Variants in ATG10 observed in about 807,000 individuals in gnomAD.
The protein encoded by ATG10 is ubiquitin-like-conjugating enzyme ATG10.
In ATG10, 30 loss-of-function variants were observed where a neutral mutation model predicts 32.1. That is an observed-to-expected ratio of 0.94 (90% CI 0.70 to 1.27). ATG10 has a LOEUF of 1.27. Among genes scored for constraint, ATG10 ranks in the 50% most tolerant of loss-of-function variants. ATG10 has a pLI of 0.00. For missense variants in ATG10, 233 were observed against 262.3 expected (o/e 0.89, Z 0.77); for synonymous variants, 87 against 91.5 (o/e 0.95, Z 0.28).
intron 5 of ATG10, among the ~76,000 whole-genome samples, chr5:82,190,850 A>AT (rs1452320314): frequency 6.6e-6 from 1 of 151,096 alleles, no homozygotes; most frequent in Non-Finnish European, 1.5e-5. Context: ...GTTTTAACCA[A>AT]TTTTATGTTG....
chr5:82,008,820 T>C (rs1045201839), intron 2 of ATG10, among the ~76,000 whole-genome samples: 1 of 152,248 alleles, frequency 6.6e-6, no homozygotes, highest in Non-Finnish European at 1.5e-5. Flanking sequence ...TGTCTATATC[T>C]AATCTGACTT....
intron 3 of ATG10, among the ~76,000 whole-genome samples, chr5:82,084,646 C>T (rs112134952): frequency 0.082 from 12,469 of 152,180 alleles, 765 homozygotes; most frequent in African/African-American, 0.18. Flanking sequence ...GGCAGAAACT[C>T]TACAAGCCAG....
intron 3 of ATG10, among the ~76,000 whole-genome samples, chr5:82,109,877 A>C (rs1561302884): frequency 6.6e-6 from 1 of 151,806 alleles, no homozygotes; most frequent in Non-Finnish European, 1.5e-5. Flanking sequence ...ATATGTATAC[A>C]TGTGCCATGT....
intron 2 of ATG10, chr5:81,992,393 T>C (rs1761490539): frequency 6.6e-6 from 1 of 151,770 alleles, no homozygotes; most frequent in Non-Finnish European, 1.5e-5. Flanking sequence ...TATTTATTTA[T>C]TTTTAAAATT....
intron 3 of ATG10, among the ~76,000 whole-genome samples, chr5:82,139,683 C>T (rs1204673035): frequency 1.1e-4 from 16 of 146,736 alleles, no homozygotes; most frequent in East Asian, 6.3e-4. Flanking sequence ...CGTCTCCGCC[C>T]GGCAGCCACC....
At chr5:82,082,551 T>G (rs1366702774) in intron 3 of ATG10, among the ~76,000 whole-genome samples, 1 of 152,214 alleles carries the variant, frequency 6.6e-6, no homozygotes, top group Non-Finnish European at 1.5e-5. Flanking sequence ...TTCTAAATCC[T>G]TCTTATATTT....
At chr5:81,993,360 C>CTTCTTTCTTTCTT (rs1389776064) in intron 2 of ATG10, among the ~76,000 whole-genome samples, 2,020 of 46,684 alleles carry the variant, frequency 0.043, 333 homozygotes, top group Admixed American at 0.078. Flanking sequence ...TCTTTCTTTC[C>CTTCTTTCTTTCTT]TTCTTTTCTT....
intron 2 of ATG10, among the ~76,000 whole-genome samples, chr5:82,054,014 T>C (rs1323555077): frequency 6.6e-6 from 1 of 152,152 alleles, no homozygotes; most frequent in Non-Finnish European, 1.5e-5. Context: ...GATCTTGAGT[T>C]GTTTGTGGAC....
intron 5 of ATG10, among the ~76,000 whole-genome samples, chr5:82,185,042 A>C (rs1275938447): frequency 3.3e-5 from 5 of 152,220 alleles, no homozygotes; most frequent in African/African-American, 1.2e-4. Flanking sequence ...TCTATTCTCA[A>C]ATTTCCAAAC....
chr5:82,092,347 G>C (rs1764916562), intron 3 of ATG10, among the ~76,000 whole-genome samples: 1 of 152,126 alleles, frequency 6.6e-6, no homozygotes, highest in Admixed American at 6.6e-5. Flanking sequence ...ACATTTTATA[G>C]TATGAAATGA....
At chr5:82,174,886 T>A (rs1389985276) in intron 4 of ATG10, among the ~76,000 whole-genome samples, 1 of 152,172 alleles carries the variant, frequency 6.6e-6, no homozygotes, top group Non-Finnish European at 1.5e-5. Context: ...GAGATAGCCG[T>A]TATGGGCCTA....
chr5:82,010,115 C>T (rs1315516151), intron 2 of ATG10: 1 of 1,571,000 alleles, frequency 6.4e-7, no homozygotes, highest in African/African-American at 1.4e-5. Flanking sequence ...CACAGTTTTC[C>T]TCGGCGGCGT....
chr5:82,057,471 G>A (rs892247601), intron 2 of ATG10, among the ~76,000 whole-genome samples: 10 of 152,054 alleles, frequency 6.6e-5, no homozygotes, highest in African/African-American at 2.2e-4. Context: ...TAGATGCACC[G>A]CTCCAGTCTT....
intron 5 of ATG10, among the ~76,000 whole-genome samples, chr5:82,202,427 G>T (rs557043474): frequency 6.6e-6 from 1 of 152,268 alleles, no homozygotes; most frequent in South Asian, 2.1e-4. Flanking sequence ...CTTCCCCCCT[G>T]CAGACTTTTG....
chr5:81,974,100 T>G (rs1438893498), intron 1 of ATG10, among the ~76,000 whole-genome samples: 1 of 152,158 alleles, frequency 6.6e-6, no homozygotes, highest in Non-Finnish European at 1.5e-5. Context: ...AGAGTAAAGC[T>G]TACAGAAGAT....
At chr5:82,244,094 G>T (rs1746921116) in intron 5 of ATG10, among the ~76,000 whole-genome samples, 2 of 152,112 alleles carry the variant, frequency 1.3e-5, no homozygotes, top group African/African-American at 2.4e-5. Flanking sequence ...GTATAAAAAG[G>T]TCTGAAAGGA....
intron 5 of ATG10, among the ~76,000 whole-genome samples, chr5:82,218,904 C>A (rs1305766088): frequency 1.3e-5 from 2 of 152,106 alleles, no homozygotes; most frequent in African/African-American, 4.8e-5. Flanking sequence ...CTGCACGAAT[C>A]TTTTTTGCCA....
At chr5:82,017,384 G>T (rs1444136348) in intron 2 of ATG10, among the ~76,000 whole-genome samples, 1 of 152,002 alleles carries the variant, frequency 6.6e-6, no homozygotes, top group Non-Finnish European at 1.5e-5. Context: ...TACTGATTTG[G>T]ATGCCCTTTA....
intron 3 of ATG10, among the ~76,000 whole-genome samples, chr5:82,150,139 G>A (rs780899658): frequency 6.8e-6 from 1 of 147,310 alleles, no homozygotes; most frequent in Non-Finnish European, 1.5e-5. Context: ...CTGCTATAGA[G>A]GCACAAGAAT....
Sources: gnomAD v4.1 joint callset for allele counts (sites outside exome capture counted in the v4.1 genomes callset) on GRCh38, gnomAD v4.1.1 for gene constraint, MANE v1.5 for transcripts, NCBI Gene and HGNC (gene_info 2026-07-23, HGNC 2026-07-21) for gene names.